Variants in PCDHA6 observed in about 807,000 individuals in gnomAD.
PCDHA6 encodes protocadherin alpha-6.
A neutral mutation model predicts 60.3 loss-of-function variants in PCDHA6; 55 were observed. The ratio of observed to expected loss-of-function variants is 0.91; its 90% CI spans 0.73 to 1.14. The LOEUF (loss-of-function observed/expected upper bound fraction) is 1.14, where lower values mean the gene tolerates loss of function less well. PCDHA6 is among the 50% of genes most tolerant of loss of function. The pLI, the probability that PCDHA6 is intolerant of heterozygous loss-of-function variation, is 0.00. For missense variants in PCDHA6, 1,327 were observed against 1,256.5 expected (o/e 1.06, Z -0.85); for synonymous variants, 652 against 557.9 (o/e 1.17, Z -2.38).
Position 140,849,623 on chromosome 5 carries a change from C to T in PCDHA6, c.2394+19138C>T, listed in dbSNP as rs1554143110. 1.3e-5 allele frequency: 21 copies of T among 1,598,756 alleles called. 2 individuals are homozygous for T. The highest frequency in any genetic ancestry group is 1.5e-5 in the Non-Finnish European group (18 of 1,167,974). ...TTATTGCCCTGATTAGTGTGATCGA[C>T]CTAGACGCAGATGCCAACGGGCAGG... On this transcript the variant is annotated intron_variant, in intron 1 of 3. Transcript: ENST00000529310.
intron 1 of PCDHA6, among the ~76,000 whole-genome samples, chr5:140,904,268 A>G (rs989389819): frequency 1.3e-5 from 2 of 152,004 alleles, no homozygotes; most frequent in African/African-American, 4.8e-5. Context: ...CCACTTATGA[A>G]TGAGAACATG....
At chr5:140,938,214 G>C (rs2091981626) in intron 1 of PCDHA6, among the ~76,000 whole-genome samples, 1 of 152,148 alleles carries the variant, frequency 6.6e-6, no homozygotes, top group Non-Finnish European at 1.5e-5. Context: ...CCAAAGTGCT[G>C]GGATTACAGG....
chr5:140,904,911 G>A (rs2153487307), intron 1 of PCDHA6, among the ~76,000 whole-genome samples: 1 of 152,172 alleles, frequency 6.6e-6, no homozygotes, highest in African/African-American at 2.4e-5. Flanking sequence ...TTACTGATTT[G>A]TTTGACTTCC....
intron 1 of PCDHA6, chr5:140,928,827 A>G (rs1554206364): frequency 6.2e-7 from 1 of 1,614,130 alleles, no homozygotes. Flanking sequence ...GAGACCCACC[A>G]CTTTCCTCCT....
intron 1 of PCDHA6, chr5:140,882,691 C>G (rs201544181): frequency 1.2e-6 from 2 of 1,614,216 alleles, no homozygotes; most frequent in Admixed American, 1.7e-5. Context: ...AACGAATAAT[C>G]ATTGCAGAAT....
chr5:140,852,292 T>C (rs1554145741), intron 1 of PCDHA6: 1 of 478,914 alleles, frequency 2.1e-6, no homozygotes, highest in African/African-American at 2.1e-5. Context: ...CTTTTTATTT[T>C]TCTGAGACGG....
chr5:140,948,096 T>C (rs550126735), intron 1 of PCDHA6, among the ~76,000 whole-genome samples: 1 of 151,754 alleles, frequency 6.6e-6, no homozygotes, highest in East Asian at 1.9e-4. Flanking sequence ...TATGAGCATA[T>C]GATTTTTCTT....
At chr5:140,904,154 C>T (rs1163595423) in intron 1 of PCDHA6, among the ~76,000 whole-genome samples, 1 of 152,060 alleles carries the variant, frequency 6.6e-6, no homozygotes, top group Non-Finnish European at 1.5e-5. Flanking sequence ...ACATTGCACC[C>T]AGTTTGTAGT....
chr5:140,989,842 G>A (rs1411244835), intron 3 of PCDHA6, among the ~76,000 whole-genome samples: 1 of 152,178 alleles, frequency 6.6e-6, no homozygotes, highest in Non-Finnish European at 1.5e-5. Context: ...GTCAATGAGT[G>A]TGTGGACTGG....
chr5:140,961,622 A>G (rs2095624628), intron 1 of PCDHA6, among the ~76,000 whole-genome samples: 1 of 152,218 alleles, frequency 6.6e-6, no homozygotes, highest in Non-Finnish European at 1.5e-5. Flanking sequence ...AAGTGCCCAT[A>G]TGAAAAACAA....
chr5:140,936,079 G>T (rs1341534865), intron 1 of PCDHA6, among the ~76,000 whole-genome samples: 2 of 152,008 alleles, frequency 1.3e-5, no homozygotes, highest in African/African-American at 4.8e-5. Context: ...TTTTAGTAGA[G>T]ACAGGGTTTC....
At position 140,836,615 on chromosome 5, in the gene PCDHA6, G is replaced by A. The variant is rs2150265724; in HGVS notation, c.2394+6130G>A. On this transcript the variant is annotated intron_variant, in intron 1 of 3. Coordinates refer to ENST00000529310, the MANE Select transcript of PCDHA6 (RefSeq NM_018909.4). Reference sequence around the variant, plus strand: ...AGCCCACTCTGGTGTGCTCCAGCGCGGTGGGGAGCTGGTCATTCTCCCAGC... The same window carrying A: ...AGCCCACTCTGGTGTGCTCCAGCGCAGTGGGGAGCTGGTCATTCTCCCAGC... 925 of 1,613,634 alleles carry A rather than the reference G, an allele frequency of 5.7e-4. 10 individuals carry two copies. The African/African-American group carries it at 0.011, about 19-fold the overall frequency.
In PCDHA6 at chr5:140,836,004, G is replaced by T. The variant is rs1554135533; in HGVS notation, c.2394+5519G>T. On this transcript the variant is annotated intron_variant, in intron 1 of 3. Transcript: ENST00000529310. ...GTTCCAGGTGAGCGCGCGCGATGCG[G>T]GCGTGCCGCCTCTGGGCAGCAACGT... is the stretch of plus-strand genomic sequence containing the variant. 1.9e-6 allele frequency: 3 copies of T among 1,613,274 alleles called. No homozygotes were observed. The African/African-American group carries it at 4.0e-5, about 22-fold the overall frequency.
intron 1 of PCDHA6, among the ~76,000 whole-genome samples, chr5:140,923,821 G>A (rs1009668330): frequency 1.3e-5 from 2 of 152,148 alleles, no homozygotes; most frequent in African/African-American, 2.4e-5. Flanking sequence ...GAAAATAGAC[G>A]TCAGTGGCAG....
At chr5:140,968,397 A>G in intron 1 of PCDHA6, 7 of 1,613,892 alleles carry the variant, frequency 4.3e-6, no homozygotes, top group Non-Finnish European at 5.9e-6. Context: ...AAGTTTCGGG[A>G]GTTCTTTGTG....
chr5:140,892,874 C>T (rs1157291129), intron 1 of PCDHA6, among the ~76,000 whole-genome samples: 2 of 152,148 alleles, frequency 1.3e-5, no homozygotes, highest in Non-Finnish European at 2.9e-5. Flanking sequence ...GCTATAATTT[C>T]GTATCCATTA....
intron 1 of PCDHA6, among the ~76,000 whole-genome samples, chr5:140,844,742 T>C (rs1779524927): frequency 1.3e-5 from 2 of 149,642 alleles, no homozygotes; most frequent in Admixed American, 6.7e-5. Context: ...TTTAGTATTA[T>C]GGGATAAATC....
At chr5:140,837,780 G>A (rs1024402142) in intron 1 of PCDHA6, among the ~76,000 whole-genome samples, 3 of 151,682 alleles carry the variant, frequency 2.0e-5, no homozygotes, top group Admixed American at 6.6e-5. Context: ...GGGCTCACAG[G>A]ATCCTCCCAT....
chr5:140,917,806 A>G (rs921651411), intron 1 of PCDHA6, among the ~76,000 whole-genome samples: 45 of 151,888 alleles, frequency 3.0e-4, no homozygotes, highest in Admixed American at 2.9e-3. Context: ...GCCTTGCAGT[A>G]TAGTTGAAGT....
Sources: gnomAD v4.1 joint callset for allele counts (sites outside exome capture counted in the v4.1 genomes callset) on GRCh38, gnomAD v4.1.1 for gene constraint, MANE v1.5 for transcripts, NCBI Gene and HGNC (gene_info 2026-07-23, HGNC 2026-07-21) for gene names.